KIAA1217: variants seen among roughly 807,000 people sequenced by gnomAD.
KIAA1217 encodes KIAA1217.
Under a neutral mutation model 163.9 loss-of-function variants are expected in KIAA1217, and 88 were observed. The ratio of observed to expected loss-of-function variants is 0.54; its 90% confidence interval spans 0.45 to 0.64. The LOEUF (loss-of-function observed/expected upper bound fraction) is 0.64. Ranked by LOEUF, KIAA1217 falls within the 30% of genes least tolerant of loss-of-function variation. KIAA1217 has a pLI of 0.00. For synonymous variants in KIAA1217, 903 were observed against 923.1 expected, an observed-to-expected ratio of 0.98 and a Z score of 0.39; for missense variants, 2,372 against 2,475.0, an observed-to-expected ratio of 0.96 and a Z score of 0.88.
At chr10:24,382,121 CCTCT>C (rs1325789415) in intron 3 of KIAA1217, among the ~76,000 whole-genome samples, 1 of 151,072 alleles carries the variant, frequency 6.6e-6, no homozygotes, top group Non-Finnish European at 1.5e-5. Context: ...AGGATTTAGA[CCTCT>C]CTGTCAAGGG....
intron 3 of KIAA1217, among the ~76,000 whole-genome samples, chr10:24,409,159 A>C (rs982865590): frequency 2.0e-5 from 3 of 152,208 alleles, no homozygotes; most frequent in Non-Finnish European, 4.4e-5. Flanking sequence ...ACACCTACAA[A>C]GATTGGCTCA....
At chr10:23,987,271 G>A (rs1157017359) in intron 1 of KIAA1217, among the ~76,000 whole-genome samples, 8 of 150,834 alleles carry the variant, frequency 5.3e-5, no homozygotes, top group South Asian at 2.1e-4. Flanking sequence ...CAGCTACTCC[G>A]GAGGCTGAGG....
chr10:24,108,791 T>C (rs773304582), intron 2 of KIAA1217, among the ~76,000 whole-genome samples: 12 of 152,342 alleles, frequency 7.9e-5, no homozygotes, highest in African/African-American at 9.6e-5. Flanking sequence ...TAATGAATGA[T>C]TGGGGAGACA....
intron 1 of KIAA1217, among the ~76,000 whole-genome samples, chr10:23,742,299 T>C (rs1839165227): frequency 6.6e-6 from 1 of 152,188 alleles, no homozygotes; most frequent in African/African-American, 2.4e-5. Context: ...AGCAGGACGC[T>C]AGAAGAGTGT....
chr10:24,182,500 G>T (rs1360695749), intron 2 of KIAA1217, among the ~76,000 whole-genome samples: 4 of 146,542 alleles, frequency 2.7e-5, no homozygotes, highest in Non-Finnish European at 6.0e-5. Flanking sequence ...AGATTATGAT[G>T]GCTTTGTTTG....
chr10:24,494,411 C>T, intron 6 of KIAA1217, 89 bp from the exon 7 acceptor site: 1 of 1,065,926 alleles, frequency 9.4e-7, no homozygotes. Flanking sequence ...CTAGGTGGTA[C>T]CTTTTATAAC....
rs573692514 is a variant in KIAA1217, at chr10:23,947,098, A to G, written c.-320-60127A>G. Among the ~76,000 whole-genome samples the G allele has an allele frequency of 3.5e-3, 539 of 152,272 alleles. 6 individuals carry two copies. The highest frequency in any genetic ancestry group is 0.012 in the African/African-American group (500 of 41,556). ...TTGCTTCCCCTTCTGCCATGATTGT[A>G]AGTTTCCTGAGGCCTCCCCAGCCAT... On this transcript the variant is annotated intron_variant, in intron 1 of 18. Coordinates refer to the KIAA1217 transcript ENST00000376462.
chr10:24,225,598 G>A (rs1160668960), intron 2 of KIAA1217, among the ~76,000 whole-genome samples: 1 of 152,122 alleles, frequency 6.6e-6, no homozygotes, highest in African/African-American at 2.4e-5. Flanking sequence ...CCATGGTAAA[G>A]GTATTTGAGA....
chr10:23,845,512 T>C (rs1463176056), intron 1 of KIAA1217, among the ~76,000 whole-genome samples: 2 of 152,238 alleles, frequency 1.3e-5, no homozygotes, highest in African/African-American at 4.8e-5. Context: ...TTTTCATAAG[T>C]TTGTTGGCTG....
chr10:24,060,707 G>C (rs2060690234), intron 2 of KIAA1217, among the ~76,000 whole-genome samples: 1 of 152,076 alleles, frequency 6.6e-6, no homozygotes, highest in Non-Finnish European at 1.5e-5. Context: ...GAGGCAGGAG[G>C]ATTATTTGAG....
At chr10:24,503,940 G>GT (rs1213285442) in intron 9 of KIAA1217, among the ~76,000 whole-genome samples, 1 of 152,216 alleles carries the variant, frequency 6.6e-6, no homozygotes, top group Non-Finnish European at 1.5e-5. Context: ...GCATTTGTTG[G>GT]TTTGGGGACA....
chr10:23,869,035 C>T (rs1564492343), intron 1 of KIAA1217, among the ~76,000 whole-genome samples: 1 of 145,970 alleles, frequency 6.9e-6, no homozygotes, highest in Non-Finnish European at 1.5e-5. Flanking sequence ...CAAATTTTGT[C>T]TAAGCAATGC....
chr10:24,044,612 C>T (rs1194833502), intron 2 of KIAA1217, among the ~76,000 whole-genome samples: 3 of 151,958 alleles, frequency 2.0e-5, no homozygotes, highest in African/African-American at 2.4e-5. Flanking sequence ...TAAATTTTCT[C>T]TTCCGTACTT....
chr10:24,115,694 G>A (rs1386917132), intron 2 of KIAA1217, among the ~76,000 whole-genome samples: 1 of 152,170 alleles, frequency 6.6e-6, no homozygotes, highest in Non-Finnish European at 1.5e-5. Flanking sequence ...AGTTCTCTAA[G>A]GATGGAAGAT....
chr10:24,544,996 C>G lies in KIAA1217; in HGVS notation c.5227C>G (p.Pro1743Ala), dbSNP rs146630453. 2 of 1,614,002 alleles carry G rather than the reference C, an allele frequency of 1.2e-6. No homozygotes were observed. Among genetic ancestry groups the G allele is most frequent in the Non-Finnish European group, 1.7e-6 (2 of 1,180,002 alleles). Residue 1743 changes from proline to alanine, a missense_variant, in exon 20 of 21, where the codon CCA becomes GCA. Around this residue, in one of 3 missense-constraint regions of KIAA1217, gnomAD observed 690 missense variants for 677.5 expected, o/e 1.02. Transcript: ENST00000376454. The part of the protein sequence containing the change: ...SASRKGSSGA[P>A]QTSRMPVPMS... ...CTTCCCACAGGGCTCCAGCGGGGCC[C>G]CACAGACGAGCAGGATGCCTGTCCC... is the stretch of plus-strand genomic sequence containing the variant.
At chr10:24,301,906 G>A (rs1012253756) in intron 2 of KIAA1217, among the ~76,000 whole-genome samples, 2 of 152,056 alleles carry the variant, frequency 1.3e-5, no homozygotes, top group Admixed American at 6.5e-5. Flanking sequence ...TTAGCTGAGC[G>A]TGGTGGCGCC....
chr10:24,426,933 A>G (rs1408773910), intron 3 of KIAA1217, among the ~76,000 whole-genome samples: 1 of 152,192 alleles, frequency 6.6e-6, no homozygotes, highest in Non-Finnish European at 1.5e-5. Flanking sequence ...ATGTTGAGAT[A>G]AAGATATTTT....
rs1220766597 is a variant in KIAA1217 at position 24,388,882 on chromosome 10, G to A, written c.553+7815G>A. On this transcript the variant is annotated intron_variant, in intron 3 of 20. Coordinates refer to ENST00000376454, the MANE Select transcript of KIAA1217 (RefSeq NM_019590.5). Reference sequence around the variant, plus strand: ...ACCATCTCACACCAGTTAGAATGGCGATCATTAAAAAGTCAGGAAACGACA... The same window carrying A: ...ACCATCTCACACCAGTTAGAATGGCAATCATTAAAAAGTCAGGAAACGACA... Among the ~76,000 whole-genome samples the A allele has an allele frequency of 5.0e-5, 7 of 139,322 alleles. No individual in the cohort carries two copies. The East Asian group carries it at 8.7e-4, about 17-fold the overall frequency. The allele number at this position is 139,322 out of a possible 152,430, so 91.4% of individuals were successfully genotyped here. A position where few individuals can be genotyped will look rare whatever the true frequency, so the allele number is the denominator to read the frequency against.
Position 24,288,379 on chromosome 10 carries a change from G to A in KIAA1217, c.354+68470G>A, listed in dbSNP as rs548990474. ...GCTTTCTCTTCTACTATTTAGCGCA[G>A]TCCATACAAAGCTAGCTGCACCAGA... On this transcript the variant is annotated intron_variant, in intron 2 of 20. Transcript: ENST00000376454. 3.9e-4 allele frequency among the ~76,000 whole-genome samples: 60 copies of A among 152,294 alleles called. 1 individual carries two copies. Among genetic ancestry groups the A allele is most frequent in the African/African-American group, 1.1e-3 (45 of 41,550 alleles).
Sources: allele counts gnomAD v4.1 joint callset (sites outside exome capture counted in the v4.1 genomes callset), GRCh38; gene constraint gnomAD v4.1.1; regional missense constraint gnomAD v4.1.1; transcripts MANE v1.5; gene names NCBI Gene and HGNC (gene_info 2026-07-23, HGNC 2026-07-21).